The following ZNF808 variants were observed in gnomAD, a reference collection of about 807,000 sequenced individuals.
The protein encoded by ZNF808 is zinc finger protein 808.
In ZNF808, 5 loss-of-function variants were observed where a neutral mutation model predicts 8.7. That is an observed-to-expected ratio of 0.58 (90% CI 0.30 to 1.21). The LOEUF is 1.21. ZNF808 is among the 50% of genes most tolerant of loss of function. The probability of loss-of-function intolerance (pLI) is 0.07; values close to 1 mark genes in which losing one functional copy is unlikely to be tolerated. For missense variants in ZNF808, 1,103 were observed against 1,098.4 expected (o/e 1.00, Z -0.06); for synonymous variants, 380 against 366.0 (o/e 1.04, Z -0.44).
At chr19:52,539,943 C>G (rs766815299) in intron 2 of ZNF808, among the ~76,000 whole-genome samples, 1 of 152,046 alleles carries the variant, frequency 6.6e-6, no homozygotes, top group Non-Finnish European at 1.5e-5. Context: ...CTCCTGGGCT[C>G]AAGTGATTTT....
chr19:52,555,423 G>C lies in ZNF808; in HGVS notation c.2507G>C (p.Arg836Pro), dbSNP rs755564494. 3.1e-6 allele frequency: 5 copies of C among 1,614,016 alleles called. No individual in the cohort carries two copies. The highest frequency in any genetic ancestry group is 1.3e-5 in the African/African-American group (1 of 74,998). The change falls in exon 5 of 5, where the codon CGT becomes CCT. Residue 836 changes from arginine (R) to proline (P), a missense_variant. Coordinates refer to ENST00000359798, the MANE Select transcript of ZNF808 (RefSeq NM_001039886.4). ...TTTAATGAACAATCACACCTTTCACGTCATCATAGAATTCATACTGGAGAG... is the reference window on the plus strand; with the variant it reads ...TTTAATGAACAATCACACCTTTCACCTCATCATAGAATTCATACTGGAGAG... ...KAFNEQSHLS[R>P]HHRIHTGEKP... is the part of the protein sequence containing the mutation.
chr19:52,555,264 G>C lies in ZNF808; in HGVS notation c.2348G>C (p.Arg783Thr). The C allele has an allele frequency of 6.2e-7, 1 of 1,614,054 alleles. No homozygotes were observed. The highest frequency in any genetic ancestry group is 8.5e-7 in the Non-Finnish European group (1 of 1,180,016). ...RHWSSLVYHR[R>T]LHTGEKSYKC... ...TGGTCATCCCTTGTATACCATCGTA[G>C]ACTTCATACTGGAGAGAAATCTTAC... is the stretch of plus-strand genomic sequence containing the variant. The change falls in exon 5 of 5, where the codon AGA becomes ACA. Residue 783 changes from arginine to threonine, a missense_variant. Transcript: ENST00000359798.
chr19:52,544,519 C>T (rs778089054), intron 3 of ZNF808, among the ~76,000 whole-genome samples: 2 of 152,026 alleles, frequency 1.3e-5, no homozygotes, highest in East Asian at 3.9e-4. Flanking sequence ...TTAGTTGAGA[C>T]GGGGTTTCAT....
chr19:52,548,660 T>C (rs326442), intron 4 of ZNF808, among the ~76,000 whole-genome samples: 53,296 of 151,998 alleles, frequency 0.35, 10,535 homozygotes, highest in East Asian at 0.52. Flanking sequence ...CCTGGCCTGA[T>C]GTGATTCAGC....
At chr19:52,540,310 T>A (rs1438073636) in intron 2 of ZNF808, among the ~76,000 whole-genome samples, 1 of 152,216 alleles carries the variant, frequency 6.6e-6, no homozygotes, top group African/African-American at 2.4e-5. Flanking sequence ...ATGCCTGTCC[T>A]CATTGTTTTC....
downstream of ZNF808, among the ~76,000 whole-genome samples, chr19:52,557,128 A>G (rs1255563306): frequency 6.6e-6 from 1 of 151,720 alleles, no homozygotes; most frequent in Non-Finnish European, 1.5e-5. Flanking sequence ...CTACCAGCAC[A>G]CCTGGCTAAT....
chr19:52,546,994 A>G (rs1600004722), intron 3 of ZNF808, among the ~76,000 whole-genome samples: 1 of 116,834 alleles, frequency 8.6e-6, no homozygotes, highest in East Asian at 2.6e-4. Flanking sequence ...GTTGCCCAGG[A>G]TGGAGGGCAG....
chr19:52,538,475 T>G (rs2608524), intron 2 of ZNF808, among the ~76,000 whole-genome samples: 42,954 of 142,938 alleles, frequency 0.3, 6,779 homozygotes, highest in East Asian at 0.5. Flanking sequence ...CCCCTGAGTA[T>G]CTGGGATTAC....
At position 52,553,624 on chromosome 19, in the gene ZNF808, T is replaced by C. The variant is rs183241646; in HGVS notation, c.708T>C (p.Ser236=). ...AAAAATCTTTCCCATGTAATGAGAG[T>C]GGCAAAGCCTTTAATTGTAGCTCAC... ...MREKSFPCNE[S]GKAFNCSSLL... is the part of the protein sequence containing the mutation. Residue 236 remains serine (S), a synonymous_variant, in exon 5 of 5, where the codon AGT becomes AGC. Coordinates refer to ENST00000359798, the MANE Select transcript of ZNF808 (RefSeq NM_001039886.4). 19 of 1,614,186 alleles carry C rather than the reference T, an allele frequency of 1.2e-5. No homozygotes were observed. In the East Asian group the frequency reaches 4.2e-4, roughly 36 times the overall value.
rs200907774 is a variant in ZNF808, at chr19:52,554,157, T to G, written c.1241T>G (p.Leu414Arg). ...AAGGCTTTTAATCATCAATCAAGCC[T>G]TGCACGTCATCATATACTTCATACT... ...CGKAFNHQSS[L>R]ARHHILHTGE... The change falls in exon 5 of 5, where the codon CTT (leucine) becomes CGT (arginine). Residue 414 changes from leucine (L) to arginine (R), a missense_variant. Transcript: ENST00000359798. The G allele has an allele frequency of 6.2e-7, 1 of 1,614,138 alleles. No individual in the cohort carries two copies. The highest frequency in any genetic ancestry group is 8.5e-7 in the Non-Finnish European group (1 of 1,180,026).
chr19:52,537,193 A>C (rs957943233), intron 2 of ZNF808, among the ~76,000 whole-genome samples: 1 of 151,888 alleles, frequency 6.6e-6, no homozygotes, highest in Non-Finnish European at 1.5e-5. Flanking sequence ...TCTCAAAAAA[A>C]AAGCGGTTAA....
At position 52,553,849 on chromosome 19, in the gene ZNF808, A is replaced by G. The variant is rs1472687057; in HGVS notation, c.933A>G (p.Gly311=). ...SLTCHHRLHT[G]VKPYKCNECG... ...CATGCCATCATAGACTTCATACTGG[A>G]GTAAAACCTTACAAGTGTAATGAGT... Residue 311 remains glycine (G), a synonymous_variant, in exon 5 of 5, where the codon GGA becomes GGG. Coordinates refer to ENST00000359798, the MANE Select transcript of ZNF808 (RefSeq NM_001039886.4). 3.1e-6 allele frequency: 5 copies of G among 1,614,178 alleles called. No homozygotes were observed. The highest frequency in any genetic ancestry group is 4.2e-6 in the Non-Finnish European group (5 of 1,180,030).
intron 3 of ZNF808, among the ~76,000 whole-genome samples, chr19:52,544,012 A>T (rs2059697870): frequency 6.6e-6 from 1 of 152,136 alleles, no homozygotes; most frequent in Non-Finnish European, 1.5e-5. Flanking sequence ...TACAAAAATT[A>T]GCTGCATGTG....
chr19:52,547,928 A>G (rs1180287225), intron 4 of ZNF808, among the ~76,000 whole-genome samples: 2 of 151,896 alleles, frequency 1.3e-5, no homozygotes, highest in South Asian at 2.1e-4. Flanking sequence ...TAGTGGACAC[A>G]GGGTTTCTCC....
downstream of ZNF808, among the ~76,000 whole-genome samples, chr19:52,567,866 C>T (rs116879756): frequency 5.3e-4 from 80 of 152,212 alleles, no homozygotes; most frequent in East Asian, 9.3e-3. Context: ...CTTTTTTCAG[C>T]ATAATAACCC....
chr19:52,544,639 T>C (rs1240038640), intron 3 of ZNF808, among the ~76,000 whole-genome samples: 1 of 152,154 alleles, frequency 6.6e-6, no homozygotes, highest in Non-Finnish European at 1.5e-5. Context: ...TTATTTTTTA[T>C]ATTGTATTTT....
chr19:52,563,864 T>G, exon 4 of ZNF808: 1 of 237,910 alleles, frequency 4.2e-6, no homozygotes, highest in Non-Finnish European at 8.3e-6. Context: ...GGCACAGTGG[T>G]GGGCACCTGT....
intron 1 of ZNF808, among the ~76,000 whole-genome samples, 154 bp from the exon 2 acceptor site, chr19:52,532,754 A>G (rs2059572673): frequency 6.6e-6 from 1 of 152,190 alleles, no homozygotes; most frequent in South Asian, 2.1e-4. Context: ...TTAAGTATTT[A>G]TTAAAGAATC....
downstream of ZNF808, among the ~76,000 whole-genome samples, chr19:52,566,016 A>G (rs1424103185): frequency 6.6e-6 from 1 of 152,208 alleles, no homozygotes; most frequent in Admixed American, 6.6e-5. Flanking sequence ...AAAGATCAAG[A>G]TAGAATAAGG....
Sources: gnomAD v4.1 joint callset for allele counts (sites outside exome capture counted in the v4.1 genomes callset) on GRCh38, gnomAD v4.1.1 for gene constraint, MANE v1.5 for transcripts, NCBI Gene and HGNC (gene_info 2026-07-23, HGNC 2026-07-21) for gene names.